CD48: variants seen among roughly 807,000 people sequenced by gnomAD.
The protein encoded by CD48 is CD48 antigen.
Under a neutral mutation model 22.0 loss-of-function variants are expected in CD48, and 20 were observed. The ratio of observed to expected loss-of-function variants is 0.91; its 90% CI spans 0.64 to 1.32. The LOEUF is 1.32. Ranked by LOEUF, CD48 falls within the 40% of genes most tolerant of loss-of-function variation. CD48 has a pLI of 0.00. For missense variants in CD48, 307 were observed against 286.5 expected (o/e 1.07, Z -0.52); for synonymous variants, 110 against 110.1 (o/e 1.00, Z 0.01).
intron 1 of CD48, 114 bp from the exon 2 acceptor site, chr1:160,685,303 A>C (rs1272735150): frequency 1.3e-6 from 1 of 747,526 alleles, no homozygotes; most frequent in East Asian, 2.7e-5. Context: ...TCTGCTTAGG[A>C]GCAGTGAGTA....
intron 1 of CD48, among the ~76,000 whole-genome samples, chr1:160,686,188 G>T (rs894419998): frequency 6.6e-6 from 1 of 152,150 alleles, no homozygotes; most frequent in African/African-American, 2.4e-5. Flanking sequence ...GGGAAAAGGG[G>T]TTTTGGCTTC....
chr1:160,711,315 TAC>T (rs1447510909), intron 1 of CD48, among the ~76,000 whole-genome samples: 1 of 152,090 alleles, frequency 6.6e-6, no homozygotes, highest in African/African-American at 2.4e-5. Context: ...CCTAAGGGAG[TAC>T]AGTGTGTCTG....
At chr1:160,688,777 G>A (rs1662088964) in intron 1 of CD48, among the ~76,000 whole-genome samples, 1 of 152,168 alleles carries the variant, frequency 6.6e-6, no homozygotes, top group Non-Finnish European at 1.5e-5. Flanking sequence ...TTAAGGGAAA[G>A]AATGAGCTGA....
intron 2 of CD48, chr1:160,683,689 C>A (rs1347807476): frequency 1.3e-5 from 2 of 152,110 alleles, no homozygotes; most frequent in African/African-American, 4.8e-5. Flanking sequence ...GCTGGTGGAA[C>A]TTGAATGTAT....
intron 3 of CD48, among the ~76,000 whole-genome samples, chr1:160,680,265 T>C (rs1377717226): frequency 6.6e-6 from 1 of 152,150 alleles, no homozygotes; most frequent in Non-Finnish European, 1.5e-5. Flanking sequence ...TATCTGACTC[T>C]GGTATTTCCC....
At chr1:160,710,649 A>G (rs352683) in intron 1 of CD48, among the ~76,000 whole-genome samples, 104,968 of 152,050 alleles carry the variant, frequency 0.69, 37,280 homozygotes, top group East Asian at 0.85. Flanking sequence ...TCAGCCCCCA[A>G]TCCCAAGGTC....
chr1:160,705,128 A>T (rs975506641), intron 1 of CD48, among the ~76,000 whole-genome samples: 1 of 152,164 alleles, frequency 6.6e-6, no homozygotes, highest in Non-Finnish European at 1.5e-5. Flanking sequence ...ATTCTCAACC[A>T]CTAAAAGATA....
At chr1:160,698,275 G>A (rs1275021408) in intron 1 of CD48, among the ~76,000 whole-genome samples, 2 of 152,172 alleles carry the variant, frequency 1.3e-5, no homozygotes, top group Non-Finnish European at 2.9e-5. Flanking sequence ...TTCTGCTGGT[G>A]AGAGCAAGAG....
chr1:160,684,593 T>C (rs540487716), intron 2 of CD48: 13 of 834,294 alleles, frequency 1.6e-5, no homozygotes, highest in South Asian at 1.3e-4. Context: ...CTGATTTAGG[T>C]TGATCACAGG....
chr1:160,699,094 A>C (rs1662534198), intron 1 of CD48: 1 of 153,064 alleles, frequency 6.5e-6, no homozygotes, highest in African/African-American at 2.4e-5. Context: ...GTCTGTATAG[A>C]AAGAAGTAGA....
chr1:160,700,154 A>T (rs575309588), intron 1 of CD48, among the ~76,000 whole-genome samples: 1 of 152,302 alleles, frequency 6.6e-6, no homozygotes, highest in African/African-American at 2.4e-5. Flanking sequence ...CCATTACTGG[A>T]GCCATCAGTG....
intron 1 of CD48, among the ~76,000 whole-genome samples, chr1:160,702,413 G>T (rs376173122): frequency 1.3e-5 from 2 of 152,098 alleles, no homozygotes; most frequent in Admixed American, 6.6e-5. Flanking sequence ...AAGTGGAAAC[G>T]CAATGTTGGT....
At chr1:160,688,868 C>T (rs1662090742) in intron 1 of CD48, among the ~76,000 whole-genome samples, 1 of 152,146 alleles carries the variant, frequency 6.6e-6, no homozygotes, top group Non-Finnish European at 1.5e-5. Context: ...TTCCCTTCCA[C>T]TAGAGGAGCA....
intron 1 of CD48, among the ~76,000 whole-genome samples, chr1:160,706,003 C>T (rs961752546): frequency 2.6e-5 from 4 of 152,130 alleles, no homozygotes; most frequent in Non-Finnish European, 4.4e-5. Context: ...ATGTCTCAGA[C>T]TTACACTCAG....
chr1:160,688,175 TA>T (rs1342735111), intron 1 of CD48, among the ~76,000 whole-genome samples: 2 of 152,214 alleles, frequency 1.3e-5, no homozygotes, highest in African/African-American at 2.4e-5. Context: ...TGCCAATCAT[TA>T]ACAAAATGAG....
intron 2 of CD48, 25 bp from the exon 3 acceptor site, chr1:160,681,493 G>C (rs182578868): frequency 6.2e-7 from 1 of 1,608,426 alleles, no homozygotes. Flanking sequence ...GATGTTATAA[G>C]ATGAGACAGT....
chr1:160,706,684 TC>T (rs1662805800), intron 1 of CD48, among the ~76,000 whole-genome samples: 1 of 152,190 alleles, frequency 6.6e-6, no homozygotes, highest in African/African-American at 2.4e-5. Flanking sequence ...TGGATCTTAT[TC>T]TTTTACTTTC....
At chr1:160,680,462 A>T in intron 3 of CD48, 1 of 447,450 alleles carries the variant, frequency 2.2e-6, no homozygotes, top group African/African-American at 2.1e-5. Context: ...GAAGAACATG[A>T]CTTGGGGAAG....
chr1:160,681,960 A>G (rs10489636), intron 2 of CD48, among the ~76,000 whole-genome samples: 29,964 of 152,164 alleles, frequency 0.2, 3,378 homozygotes, highest in Admixed American at 0.28. Flanking sequence ...ACAACCATCC[A>G]GTGCAGGTGC....
Sources: allele counts gnomAD v4.1 joint callset (sites outside exome capture counted in the v4.1 genomes callset), GRCh38; gene constraint gnomAD v4.1.1; transcripts MANE v1.5; gene names NCBI Gene and HGNC (gene_info 2026-07-23, HGNC 2026-07-21).